The following SULT2A1 variants were observed in gnomAD, a reference collection of about 807,000 sequenced individuals.
SULT2A1 encodes sulfotransferase 2A1.
Under a neutral mutation model 33.9 loss-of-function variants are expected in SULT2A1, and 43 were observed. That is an observed-to-expected ratio of 1.27 (90% CI 1.00 to 1.64). The LOEUF is 1.64. Among genes scored for constraint, SULT2A1 ranks in the 40% most tolerant of loss-of-function variants. SULT2A1 has a pLI of 0.00. For missense variants in SULT2A1, 300 were observed against 335.1 expected, an observed-to-expected ratio of 0.90 and a Z score of 0.82; for synonymous variants, 125 against 113.6, an observed-to-expected ratio of 1.10 and a Z score of -0.64.
At chr19:47,872,761 C>CA (rs1555804213) in intron 5 of SULT2A1, among the ~76,000 whole-genome samples, 1 of 139,846 alleles carries the variant, frequency 7.2e-6, no homozygotes, top group Non-Finnish European at 1.5e-5. Context: ...CAGCATTTAT[C>CA]TTTTTTTTTT....
chr19:47,878,146 T>A (rs558294749), intron 4 of SULT2A1, among the ~76,000 whole-genome samples: 1 of 152,312 alleles, frequency 6.6e-6, no homozygotes, highest in Non-Finnish European at 1.5e-5. Context: ...GCAGGAGACA[T>A]CACACTCTGC....
At chr19:47,874,585 C>CGCTA in intron 5 of SULT2A1, 72 bp downstream of exon 5, 1 of 1,029,628 alleles carries the variant, frequency 9.7e-7, no homozygotes, top group Non-Finnish European at 1.4e-6. Flanking sequence ...CAACTGTTAG[C>CGCTA]GCCCAGTTGT....
chr19:47,874,171 C>G (rs1270880492), intron 5 of SULT2A1, among the ~76,000 whole-genome samples: 1 of 152,166 alleles, frequency 6.6e-6, no homozygotes, highest in Non-Finnish European at 1.5e-5. Context: ...CACCCACCTA[C>G]AGCCCACATC....
chr19:47,879,877 T>G (rs1011446126), intron 3 of SULT2A1, among the ~76,000 whole-genome samples: 2 of 151,626 alleles, frequency 1.3e-5, no homozygotes, highest in Admixed American at 1.3e-4. Context: ...TGTATACATA[T>G]GTAACAAACC....
At chr19:47,874,917 T>TG in intron 4 of SULT2A1, 83 bp from the exon 5 acceptor site, 10 of 1,236,510 alleles carry the variant, frequency 8.1e-6, no homozygotes, top group Non-Finnish European at 1.1e-5. Flanking sequence ...ATCCCAGCAC[T>TG]CTGGGAGGCT....
intron 5 of SULT2A1, among the ~76,000 whole-genome samples, chr19:47,873,614 C>CTTTTTATTTTTTTT (rs1968513349): frequency 1.6e-5 from 1 of 62,062 alleles, no homozygotes; most frequent in African/African-American, 7.8e-5. Context: ...GGACAGATCT[C>CTTTTTATTTTTTTT]TTTTTTTTTT....
chr19:47,883,490 C>A lies in SULT2A1; in HGVS notation c.345+87G>T, dbSNP rs949360100. 2.9e-5 allele frequency: 38 copies of A among 1,308,378 alleles called. 1 individual carries two copies. In the Middle Eastern group the frequency reaches 2.7e-3, roughly 91 times the overall value. The allele number at this position is 1,308,378 out of a possible 1,614,324, so 81.0% of individuals were successfully genotyped here. A position where few individuals can be genotyped will look rare whatever the true frequency, so the allele number is the denominator to read the frequency against. The stretch of plus-strand genomic sequence containing the variant: ...AACACAGACCTGTTGAAGGAGAATG[C>A]ATTTCAGCAAGATCTCCAGATGACT... On this transcript the variant is annotated intron_variant, in intron 2 of 5. Transcript: ENST00000222002.
At chr19:47,872,200 G>A (rs1600026940) in intron 5 of SULT2A1, among the ~76,000 whole-genome samples, 1 of 152,176 alleles carries the variant, frequency 6.6e-6, no homozygotes, top group Non-Finnish European at 1.5e-5. Context: ...TTACAGGCGT[G>A]AGCCACCACA....
At chr19:47,883,497 G>T in intron 2 of SULT2A1, 80 bp downstream of exon 2, 1 of 1,393,818 alleles carries the variant, frequency 7.2e-7, no homozygotes, top group Non-Finnish European at 1.0e-6. Context: ...ATGCATTTCA[G>T]CAAGATCTCC....
rs76902760 is a variant in SULT2A1, at chr19:47,878,063, C to T, written c.567+973G>A. 3.5e-3 allele frequency among the ~76,000 whole-genome samples: 531 copies of T among 152,320 alleles called. 11 individuals are homozygous for T. The highest frequency in any genetic ancestry group is 0.024 in the Admixed American group (374 of 15,282). On this transcript the variant is annotated intron_variant, in intron 4 of 5. Transcript: ENST00000222002. ...TACCCAGTCCCATCCTCTCTTCCAGCGCCCTCTCAACGCTTGGTTATCAGC... is the reference window on the plus strand; with the variant it reads ...TACCCAGTCCCATCCTCTCTTCCAGTGCCCTCTCAACGCTTGGTTATCAGC...
chr19:47,871,702 T>G, intron 5 of SULT2A1, 135 bp from the exon 6 acceptor site: 1 of 640,192 alleles, frequency 1.6e-6, no homozygotes, highest in Non-Finnish European at 2.8e-6. Context: ...TCCTGCCTGG[T>G]CACATAGTTA....
At chr19:47,880,250 A>AAAC (rs1555804750) in intron 3 of SULT2A1, among the ~76,000 whole-genome samples, 1 of 150,604 alleles carries the variant, frequency 6.6e-6, no homozygotes, top group Non-Finnish European at 1.5e-5. Context: ...AAAAAAAAAA[A>AAAC]AAAAAAAACC....
At chr19:47,878,961 G>A (rs149788664) in intron 4 of SULT2A1, 75 bp downstream of exon 4, 43 of 937,846 alleles carry the variant, frequency 4.6e-5, no homozygotes, top group Middle Eastern at 4.3e-4. Flanking sequence ...AAGACACAGC[G>A]GGATGGAGGG....
chr19:47,877,909 G>A (rs1027645669), intron 4 of SULT2A1, among the ~76,000 whole-genome samples: 9 of 152,142 alleles, frequency 5.9e-5, no homozygotes, highest in Non-Finnish European at 1.0e-4. Flanking sequence ...TTTCCTCTCC[G>A]TCACTATTCA....
chr19:47,879,590 A>G (rs1005892682), intron 3 of SULT2A1, among the ~76,000 whole-genome samples: 1 of 152,116 alleles, frequency 6.6e-6, no homozygotes, highest in South Asian at 2.1e-4. Flanking sequence ...CATGGAATAC[A>G]ATGCAGCCAT....
Position 47,883,643 on chromosome 19 carries a change from T to C in SULT2A1, c.279A>G (p.Pro93=), listed in dbSNP as rs781311827. 3 of 1,614,018 alleles carry C rather than the reference T, an allele frequency of 1.9e-6. No individual in the cohort carries two copies. The highest frequency in any genetic ancestry group is 2.5e-6 in the Non-Finnish European group (3 of 1,179,996). The change falls in exon 2 of 6, where the codon CCA becomes CCG. Residue 93 remains proline (P), a synonymous_variant. Coordinates refer to ENST00000222002, the MANE Select transcript of SULT2A1 (RefSeq NM_003167.4). ...TGGGGAGGTGGGAGGAGAATAAACG[T>C]GGACTCTCCGTTTCACTGAGTGCTG... ...GYTALSETES[P]RLFSSHLPIQ... is the part of the protein sequence containing the mutation.
At position 47,874,658 on chromosome 19, in the gene SULT2A1, T is replaced by C; in HGVS notation, c.744A>G (p.Lys248=). 2 of 1,611,004 alleles carry C rather than the reference T, an allele frequency of 1.2e-6. No homozygotes were observed. Among genetic ancestry groups the C allele is most frequent in the Non-Finnish European group, 1.7e-6 (2 of 1,178,802 alleles). ...YVVDKAQLLR[K]GVSGDWKNHF... ...GGAAACCAGAGGATTTTCTTTTACC[T>C]TTTCTCAGAAGTTGTGCTTTGTCCA... The change falls in exon 5 of 6, where the codon AAA becomes AAG. Residue 248 remains lysine (K), a splice_region_variant and synonymous_variant. Coordinates refer to ENST00000222002, the MANE Select transcript of SULT2A1 (RefSeq NM_003167.4).
At chr19:47,881,128 T>C (rs9304669) in intron 3 of SULT2A1, among the ~76,000 whole-genome samples, 131,432 of 152,006 alleles carry the variant, frequency 0.86, 56,999 homozygotes, top group East Asian at 1. Context: ...CTCTACCTCC[T>C]GGGTTCAAGC....
chr19:47,878,345 AT>A (rs199520025), intron 4 of SULT2A1, among the ~76,000 whole-genome samples: 2,964 of 148,620 alleles, frequency 0.02, 84 homozygotes, highest in African/African-American at 0.07. Context: ...CATCTGGCTA[AT>A]TTTTTTTTTC....
Sources: allele counts gnomAD v4.1 joint callset (sites outside exome capture counted in the v4.1 genomes callset), GRCh38; gene constraint gnomAD v4.1.1; transcripts MANE v1.5; gene names NCBI Gene and HGNC (gene_info 2026-07-23, HGNC 2026-07-21).